Variants in DSCAM observed in about 807,000 individuals in gnomAD.
DSCAM encodes DS cell adhesion molecule.
A neutral mutation model predicts 217.7 loss-of-function variants in DSCAM; 47 were observed. The ratio of observed to expected loss-of-function variants is 0.22; its 90% CI spans 0.17 to 0.28. The LOEUF is 0.28. DSCAM is among the 10% of genes least tolerant of loss of function. The probability of loss-of-function intolerance (pLI) is 1.00; values close to 1 mark genes in which losing one functional copy is unlikely to be tolerated. For missense variants in DSCAM, 2,080 were observed against 2,618.3 expected (o/e 0.79, Z 4.49); for synonymous variants, 1,056 against 1,015.3 (o/e 1.04, Z -0.76).
At chr21:40,301,572 T>C (rs2074014422) in intron 9 of DSCAM, among the ~76,000 whole-genome samples, 1 of 152,228 alleles carries the variant, frequency 6.6e-6, no homozygotes, top group Non-Finnish European at 1.5e-5. Flanking sequence ...TAAGTGCTTC[T>C]CTGAGGCCTT....
At chr21:40,597,669 G>A (rs977677168) in intron 3 of DSCAM, among the ~76,000 whole-genome samples, 1 of 151,886 alleles carries the variant, frequency 6.6e-6, no homozygotes, top group African/African-American at 2.4e-5. Flanking sequence ...ACCACGCCCA[G>A]CTAATTTTTT....
intron 16 of DSCAM, among the ~76,000 whole-genome samples, chr21:40,157,444 A>C (rs1001629802): frequency 6.6e-6 from 1 of 152,210 alleles, no homozygotes; most frequent in Non-Finnish European, 1.5e-5. Context: ...GGCACTACTA[A>C]GAAAGGAGCA....
intron 3 of DSCAM, among the ~76,000 whole-genome samples, chr21:40,478,267 T>C (rs1207079826): frequency 2.0e-5 from 3 of 152,218 alleles, no homozygotes; most frequent in Non-Finnish European, 4.4e-5. Context: ...GCATAGTTTT[T>C]TGATTGGAGC....
At chr21:40,506,652 T>A (rs1229636408) in intron 3 of DSCAM, among the ~76,000 whole-genome samples, 3 of 152,176 alleles carry the variant, frequency 2.0e-5, no homozygotes, top group Admixed American at 2.0e-4. Context: ...GGACTATGTG[T>A]CAAGATTATT....
intron 8 of DSCAM, among the ~76,000 whole-genome samples, chr21:40,321,758 G>T (rs893991859): frequency 1.3e-5 from 2 of 151,896 alleles, no homozygotes; most frequent in Non-Finnish European, 2.9e-5. Context: ...ACTCTCCGAG[G>T]CCTGGTCCTC....
At chr21:40,804,268 A>G (rs1330541335) in intron 1 of DSCAM, among the ~76,000 whole-genome samples, 1 of 152,162 alleles carries the variant, frequency 6.6e-6, no homozygotes, top group African/African-American at 2.4e-5. Flanking sequence ...ACCTTCCTTT[A>G]AATTGAAGCA....
chr21:40,296,012 G>C, intron 10 of DSCAM, 43 bp downstream of exon 10: 20 of 1,597,648 alleles, frequency 1.3e-5, no homozygotes, highest in Non-Finnish European at 1.6e-5. Context: ...TTAGAACATA[G>C]CAAATGTTTG....
chr21:40,310,943 A>G (rs1270374046), intron 9 of DSCAM, among the ~76,000 whole-genome samples: 1 of 150,936 alleles, frequency 6.6e-6, no homozygotes, highest in Non-Finnish European at 1.5e-5. Context: ...TCACCTGGAA[A>G]TTTTTTTTTT....
At chr21:40,601,089 G>A (rs2077058296) in intron 3 of DSCAM, among the ~76,000 whole-genome samples, 1 of 152,162 alleles carries the variant, frequency 6.6e-6, no homozygotes, top group Non-Finnish European at 1.5e-5. Flanking sequence ...TGATTGGGAT[G>A]ACTCTGAATC....
intron 10 of DSCAM, among the ~76,000 whole-genome samples, chr21:40,285,273 G>A (rs983646942): frequency 1.3e-5 from 2 of 152,184 alleles, no homozygotes; most frequent in African/African-American, 4.8e-5. Context: ...CCGTTTCCCT[G>A]GAGCAAGAGC....
chr21:40,710,181 G>GT (rs11435924), intron 1 of DSCAM, among the ~76,000 whole-genome samples: 28,180 of 151,724 alleles, frequency 0.19, 3,017 homozygotes, highest in African/African-American at 0.29. Context: ...TTTTGATGGG[G>GT]TTTTTTTTCT....
At chr21:40,805,710 T>C (rs1325074618) in intron 1 of DSCAM, among the ~76,000 whole-genome samples, 1 of 111,168 alleles carries the variant, frequency 9.0e-6, no homozygotes, top group African/African-American at 2.6e-5. Context: ...TTTCTTTCTT[T>C]TCTTTTCTTT....
At chr21:40,094,287 C>T (rs1171569896) in intron 20 of DSCAM, among the ~76,000 whole-genome samples, 1 of 152,090 alleles carries the variant, frequency 6.6e-6, no homozygotes, top group Non-Finnish European at 1.5e-5. Context: ...ATGAAGAAAA[C>T]CCCACAATCG....
At chr21:40,435,780 G>A (rs1024374633) in intron 3 of DSCAM, among the ~76,000 whole-genome samples, 1 of 152,140 alleles carries the variant, frequency 6.6e-6, no homozygotes, top group African/African-American at 2.4e-5. Context: ...GTTCCTGTCC[G>A]ATGGTTTGAC....
intron 3 of DSCAM, among the ~76,000 whole-genome samples, chr21:40,380,791 C>T (rs536901185): frequency 3.3e-5 from 5 of 152,194 alleles, no homozygotes; most frequent in South Asian, 2.1e-4. Context: ...AGGCCGGGCG[C>T]GGTGGCTCGC....
In DSCAM at chr21:40,024,087, G is replaced by A. The variant is rs202138192; in HGVS notation, c.5687-10701C>T. ...GATCCAGTTTCAGCTTTCTACATATGGCTAGCCAGTTTTCCCAGCACCATT... is the reference window on the plus strand; with the variant it reads ...GATCCAGTTTCAGCTTTCTACATATAGCTAGCCAGTTTTCCCAGCACCATT... On this transcript the variant is annotated intron_variant, in intron 32 of 32. Coordinates refer to ENST00000400454, the MANE Select transcript of DSCAM (RefSeq NM_001389.5). 3.0e-4 allele frequency among the ~76,000 whole-genome samples: 17 copies of A among 57,150 alleles called. 3 individuals carry two copies. The highest frequency in any genetic ancestry group is 1.0e-3 in the African/African-American group (15 of 14,460). The allele number at this position is 57,150 out of a possible 152,430, so 37.5% of individuals were successfully genotyped here.
chr21:40,138,405 G>A (rs1378468690), intron 18 of DSCAM, among the ~76,000 whole-genome samples: 1 of 149,882 alleles, frequency 6.7e-6, no homozygotes, highest in African/African-American at 2.5e-5. Flanking sequence ...TGTGGTGAGT[G>A]GTGTATGTGG....
At chr21:40,384,027 G>A (rs1280977539) in intron 3 of DSCAM, 2 of 152,266 alleles carry the variant, frequency 1.3e-5, no homozygotes, top group African/African-American at 4.8e-5. Flanking sequence ...TACTTAGGGG[G>A]ACTAGGAAAC....
At chr21:40,316,350 T>C (rs888588277) in intron 8 of DSCAM, among the ~76,000 whole-genome samples, 1 of 152,182 alleles carries the variant, frequency 6.6e-6, no homozygotes, top group Non-Finnish European at 1.5e-5. Flanking sequence ...CTTCACTGCT[T>C]AAGTTGCCTT....
Sources: allele counts gnomAD v4.1 joint callset (sites outside exome capture counted in the v4.1 genomes callset), GRCh38; gene constraint gnomAD v4.1.1; transcripts MANE v1.5; gene names NCBI Gene and HGNC (gene_info 2026-07-23, HGNC 2026-07-21).